FOXJ3: variants seen among roughly 807,000 people sequenced by gnomAD.
FOXJ3 encodes the protein forkhead box J3, also known as forkhead box protein J3.
In FOXJ3, 22 loss-of-function variants were observed where a neutral mutation model predicts 76.1. The ratio of observed to expected loss-of-function variants is 0.29; its 90% CI spans 0.21 to 0.41. The LOEUF (loss-of-function observed/expected upper bound fraction) is 0.41, where lower values mean the gene tolerates loss of function less well. Among genes scored for constraint, FOXJ3 ranks in the 10% least tolerant of loss-of-function variants. The pLI, the probability that FOXJ3 is intolerant of heterozygous loss-of-function variation, is 1.00. For missense variants in FOXJ3, 613 were observed against 762.1 expected (o/e 0.80, Z 2.30); for synonymous variants, 269 against 261.2 (o/e 1.03, Z -0.29).
At chr1:42,288,533 T>G (rs1327832612) in intron 2 of FOXJ3, among the ~76,000 whole-genome samples, 1 of 152,198 alleles carries the variant, frequency 6.6e-6, no homozygotes, top group African/African-American at 2.4e-5. Context: ...AAAGTGATCC[T>G]GTCTTGTCTT....
chr1:42,189,347 G>A lies in FOXJ3; in HGVS notation c.1409C>T (p.Ala470Val). 1 of 1,613,574 alleles carries A rather than the reference G, an allele frequency of 6.2e-7. No individual in the cohort carries two copies. The highest frequency in any genetic ancestry group is 8.5e-7 in the Non-Finnish European group (1 of 1,179,572). Residue 470 changes from alanine to valine, a missense_variant, in exon 10 of 13, where the codon GCC becomes GTC. This residue lies in a region of FOXJ3 where 526 missense variants were observed against 601.4 expected (regional missense o/e 0.87). Coordinates refer to ENST00000361346, the MANE Select transcript of FOXJ3 (RefSeq NM_014947.5). Reference sequence around the variant, plus strand: ...TACATCTGACCAATTAACACTGCTGGCAATTCGACAGCTTTCTTTTAGCAT... The same window carrying A: ...TACATCTGACCAATTAACACTGCTGACAATTCGACAGCTTTCTTTTAGCAT... ...LDMLKESCRI[A>V]SSVNWSDVDL...
At chr1:42,240,120 G>T (rs1649015213) in intron 4 of FOXJ3, among the ~76,000 whole-genome samples, 1 of 152,120 alleles carries the variant, frequency 6.6e-6, no homozygotes, top group Non-Finnish European at 1.5e-5. Flanking sequence ...TTGGAGGAGG[G>T]AATACTTTGA....
intron 4 of FOXJ3, among the ~76,000 whole-genome samples, chr1:42,235,667 A>T (rs1015368483): frequency 6.6e-6 from 1 of 152,052 alleles, no homozygotes; most frequent in Non-Finnish European, 1.5e-5. Flanking sequence ...GGGTCAAGCA[A>T]GTCTCCTGCC....
At chr1:42,329,312 C>G (rs974726370) in intron 1 of FOXJ3, among the ~76,000 whole-genome samples, 6 of 152,224 alleles carry the variant, frequency 3.9e-5, no homozygotes, top group Admixed American at 2.0e-4. Flanking sequence ...AAATCCTGTA[C>G]AGCAGATGCC....
intron 7 of FOXJ3, 37 bp downstream of exon 7, chr1:42,199,065 G>A: frequency 1.3e-6 from 2 of 1,549,860 alleles, no homozygotes; most frequent in Non-Finnish European, 8.9e-7. Context: ...AGTACTAAAT[G>A]AATAACTATT....
At chr1:42,317,712 T>C (rs1022084958) in intron 1 of FOXJ3, among the ~76,000 whole-genome samples, 1 of 151,884 alleles carries the variant, frequency 6.6e-6, no homozygotes, top group Non-Finnish European at 1.5e-5. Flanking sequence ...TTAGCATGGA[T>C]AGGGGTTAAG....
chr1:42,205,276 A>T (rs191968425), intron 6 of FOXJ3, among the ~76,000 whole-genome samples: 51 of 152,320 alleles, frequency 3.3e-4, no homozygotes, highest in Admixed American at 3.3e-3. Flanking sequence ...AATGTAGCAA[A>T]CAACCATGTA....
At chr1:42,251,161 A>G (rs531966798) in intron 4 of FOXJ3, among the ~76,000 whole-genome samples, 1 of 152,262 alleles carries the variant, frequency 6.6e-6, no homozygotes, top group Non-Finnish European at 1.5e-5. Flanking sequence ...TCCAAAGAAA[A>G]GAGAAAAATT....
intron 3 of FOXJ3, among the ~76,000 whole-genome samples, chr1:42,276,480 C>T (rs1027305075): frequency 1.8e-4 from 28 of 152,272 alleles, no homozygotes; most frequent in Non-Finnish European, 1.2e-4. Context: ...AGTAAGTCTT[C>T]ATTTAGCACT....
Position 42,227,885 on chromosome 1 carries a change from G to A in FOXJ3, c.526C>T (p.Arg176Trp), listed in dbSNP as rs1300696727. ...RPKKRARSVE[R>W]ASTPYSIDSD... ...AATTTATGATAAAGAGCCTTTACCC[G>A]TTCTACAGATCGTGCCCTCTTCTTT... The change falls in exon 5 of 13, where the codon CGG (arginine) becomes TGG (tryptophan). Residue 176 changes from arginine (R) to tryptophan (W), a missense_variant and splice_region_variant. By Grantham distance (101) the Arg-to-Trp change is moderately radical. Coordinates refer to ENST00000361346, the MANE Select transcript of FOXJ3 (RefSeq NM_014947.5). 7.1e-6 allele frequency: 11 copies of A among 1,549,000 alleles called. No homozygotes were observed. The highest frequency in any genetic ancestry group is 1.3e-5 in the African/African-American group (1 of 74,082).
chr1:42,244,282 A>C (rs1649368902), intron 4 of FOXJ3, among the ~76,000 whole-genome samples: 1 of 152,206 alleles, frequency 6.6e-6, no homozygotes. Context: ...AAACAAGAAC[A>C]AACCAAACAC....
intron 7 of FOXJ3, among the ~76,000 whole-genome samples, chr1:42,196,648 A>G (rs1646656741): frequency 6.6e-6 from 1 of 152,198 alleles, no homozygotes; most frequent in African/African-American, 2.4e-5. Context: ...AGCTGAGAAC[A>G]CACCATTGCA....
At chr1:42,263,426 G>C (rs1431487149) in intron 4 of FOXJ3, among the ~76,000 whole-genome samples, 1 of 151,970 alleles carries the variant, frequency 6.6e-6, no homozygotes, top group Non-Finnish European at 1.5e-5. Flanking sequence ...TTTTCAGTCT[G>C]ATTCATATAT....
chr1:42,275,320 A>G (rs1381585377), intron 3 of FOXJ3, among the ~76,000 whole-genome samples: 2 of 152,252 alleles, frequency 1.3e-5, no homozygotes, highest in African/African-American at 2.4e-5. Context: ...CTAAAGCCCT[A>G]TAACTCCCTT....
At chr1:42,187,893 G>T (rs953803801) in intron 11 of FOXJ3, among the ~76,000 whole-genome samples, 4 of 152,088 alleles carry the variant, frequency 2.6e-5, no homozygotes, top group Non-Finnish European at 5.9e-5. Flanking sequence ...AAGAAGAAAA[G>T]ATAATAGATT....
chr1:42,187,642 A>G (rs74873993), intron 11 of FOXJ3, among the ~76,000 whole-genome samples: 1,896 of 152,340 alleles, frequency 0.012, 33 homozygotes, highest in African/African-American at 0.042. Context: ...AAATGAATAT[A>G]TATCAGAAAG....
At chr1:42,304,576 G>T (rs1004427640) in intron 2 of FOXJ3, among the ~76,000 whole-genome samples, 1 of 152,112 alleles carries the variant, frequency 6.6e-6, no homozygotes, top group Admixed American at 6.6e-5. Flanking sequence ...ACAGGATAGA[G>T]AACCCAGAAA....
intron 4 of FOXJ3, among the ~76,000 whole-genome samples, chr1:42,243,954 A>C (rs2124534752): frequency 6.6e-6 from 1 of 152,346 alleles, no homozygotes; most frequent in South Asian, 2.1e-4. Context: ...TTTTAAAATC[A>C]AAATTATGCC....
chr1:42,238,756 T>C (rs1029872118), intron 4 of FOXJ3, among the ~76,000 whole-genome samples: 1 of 152,158 alleles, frequency 6.6e-6, no homozygotes, highest in African/African-American at 2.4e-5. Flanking sequence ...TTGCCCAGGC[T>C]GGTCTTGAAC....
Sources: gnomAD v4.1 joint callset for allele counts (sites outside exome capture counted in the v4.1 genomes callset) on GRCh38, gnomAD v4.1.1 for gene constraint, gnomAD v4.1.1 regional missense constraint, MANE v1.5 for transcripts, NCBI Gene and HGNC (gene_info 2026-07-23, HGNC 2026-07-21) for gene names.